PCDHA1: variants seen among roughly 807,000 people sequenced by gnomAD.
PCDHA1 encodes the protein protocadherin alpha 1.
Under a neutral mutation model 61.3 loss-of-function variants are expected in PCDHA1, and 42 were observed. The observed-to-expected ratio is 0.69, with a 90% CI of 0.54 to 0.89. The LOEUF (loss-of-function observed/expected upper bound fraction) is 0.89, where lower values mean the gene tolerates loss of function less well. PCDHA1 is among the 40% of genes least tolerant of loss of function. The pLI is 0.00. For missense variants in PCDHA1, 1,256 were observed against 1,235.3 expected, an observed-to-expected ratio of 1.02 and a Z score of -0.25; for synonymous variants, 610 against 553.8, an observed-to-expected ratio of 1.10 and a Z score of -1.43.
intron 1 of PCDHA1, chr5:140,796,680 C>G: frequency 6.2e-7 from 1 of 1,613,860 alleles, no homozygotes; most frequent in Non-Finnish European, 8.5e-7. Flanking sequence ...GGGCTGGCAC[C>G]GCTGCTGGCG....
intron 1 of PCDHA1, chr5:140,803,681 T>A: frequency 6.3e-7 from 1 of 1,580,086 alleles, no homozygotes; most frequent in Non-Finnish European, 8.6e-7. Flanking sequence ...AATAGTTAAG[T>A]ATGAATTATG....
chr5:140,877,193 G>T, intron 1 of PCDHA1: 1 of 1,613,832 alleles, frequency 6.2e-7, no homozygotes, highest in Non-Finnish European at 8.5e-7. Flanking sequence ...GGCAGCGCAG[G>T]AGGCGCAGTT....
chr5:140,812,885 GA>G (rs1466050277), intron 1 of PCDHA1: 1 of 152,092 alleles, frequency 6.6e-6, no homozygotes, highest in African/African-American at 2.4e-5. Context: ...TCATTCAAAT[GA>G]AATTTTGAAC....
At position 140,796,179 on chromosome 5, in the gene PCDHA1, C is replaced by T. The variant is rs17844249; in HGVS notation, c.2394+7495C>T. ...TGGTGTCCACCTTCAAGAATTACTA[C>T]TCGTTGGTGCTGGACAGCGCCCTGG... On this transcript the variant is annotated intron_variant, in intron 1 of 3. Transcript: ENST00000504120. The T allele has an allele frequency of 1.9e-6, 3 of 1,614,236 alleles. No individual in the cohort carries two copies. The East Asian group carries it at 6.7e-5, about 36-fold the overall frequency.
At chr5:140,851,475 T>C (rs1554145417) in intron 1 of PCDHA1, 2 of 890,456 alleles carry the variant, frequency 2.2e-6, no homozygotes, top group African/African-American at 3.6e-5. Flanking sequence ...CAATAAATGT[T>C]ATAAACACAG....
intron 3 of PCDHA1, among the ~76,000 whole-genome samples, chr5:140,993,009 G>C (rs1228975075): frequency 3.9e-5 from 6 of 152,172 alleles, no homozygotes; most frequent in Non-Finnish European, 8.8e-5. Flanking sequence ...CCTCCCCAGA[G>C]TCCAGCATCC....
intron 1 of PCDHA1, among the ~76,000 whole-genome samples, chr5:140,916,237 A>G (rs1004473327): frequency 6.6e-6 from 1 of 152,182 alleles, no homozygotes; most frequent in African/African-American, 2.4e-5. Context: ...CCAGGAGCCA[A>G]AGCCTGGACT....
At chr5:140,871,121 A>G (rs1554165161) in intron 1 of PCDHA1, 4 of 1,613,320 alleles carry the variant, frequency 2.5e-6, no homozygotes, top group Non-Finnish European at 3.4e-6. Context: ...GAGAGCGGAC[A>G]GGCGCCAAAG....
rs1222151692 is a variant in PCDHA1 at position 140,794,895 on chromosome 5, CAG to C, written c.2394+6215_2394+6216del. Reference sequence around the variant, plus strand: ...AATAAGAGAAGCAGCAGGACTTTAACAGAGACTAGAATATTTAAATTTTTGCA... The same window carrying C: ...AATAAGAGAAGCAGCAGGACTTTAACAGACTAGAATATTTAAATTTTTGCA... On this transcript the variant is annotated intron_variant, in intron 1 of 3. Coordinates refer to ENST00000504120, the MANE Select transcript of PCDHA1 (RefSeq NM_018900.4). 2.6e-5 allele frequency: 38 copies of C among 1,474,750 alleles called. No individual in the cohort carries two copies. The African/African-American group carries it at 5.1e-4, about 20-fold the overall frequency. The allele number at this position is 1,474,750 out of a possible 1,614,324, so 91.4% of individuals were successfully genotyped here. A position where few individuals can be genotyped will look rare whatever the true frequency, so the allele number is the denominator to read the frequency against.
chr5:140,982,362 A>ATTCTGCTC, intron 2 of PCDHA1, 113 bp from the exon 3 acceptor site: 1 of 1,531,968 alleles, frequency 6.5e-7, no homozygotes, highest in Non-Finnish European at 8.8e-7. Context: ...GCATGAGCAG[A>ATTCTGCTC]ATGTGTTAGC....
chr5:140,805,807 G>C (rs1763634308), intron 1 of PCDHA1, among the ~76,000 whole-genome samples: 1 of 152,022 alleles, frequency 6.6e-6, no homozygotes, highest in Non-Finnish European at 1.5e-5. Flanking sequence ...GAAAATCATA[G>C]AGGCTATTGA....
At chr5:140,900,422 C>G (rs1422913254) in intron 1 of PCDHA1, among the ~76,000 whole-genome samples, 1 of 152,142 alleles carries the variant, frequency 6.6e-6, no homozygotes, top group East Asian at 1.9e-4. Context: ...GGATTATAGG[C>G]ACGTGCCACC....
chr5:140,850,035 A>G, intron 1 of PCDHA1: 1 of 1,596,458 alleles, frequency 6.3e-7, no homozygotes, highest in Non-Finnish European at 8.6e-7. Flanking sequence ...GCACGCGGAG[A>G]GCGGCAAGGT....
intron 1 of PCDHA1, chr5:140,835,485 G>A (rs371322976): frequency 6.2e-7 from 1 of 1,613,896 alleles, no homozygotes; most frequent in Non-Finnish European, 8.5e-7. Flanking sequence ...ACCAGGTACC[G>A]TCATCACATT....
chr5:140,943,276 AAG>A (rs1491082610), intron 1 of PCDHA1, among the ~76,000 whole-genome samples: 3,151 of 135,552 alleles, frequency 0.023, 213 homozygotes, highest in African/African-American at 0.087. Flanking sequence ...AAAAAAAAAA[AAG>A]AAAGAAAGAA....
At chr5:140,990,988 C>A (rs1332573282) in intron 3 of PCDHA1, among the ~76,000 whole-genome samples, 5 of 152,184 alleles carry the variant, frequency 3.3e-5, no homozygotes, top group Admixed American at 6.5e-5. Flanking sequence ...AAGACAATAG[C>A]TACCATTTAT....
At chr5:140,838,813 T>A (rs1372139803) in intron 1 of PCDHA1, among the ~76,000 whole-genome samples, 1 of 151,884 alleles carries the variant, frequency 6.6e-6, no homozygotes, top group Non-Finnish European at 1.5e-5. Flanking sequence ...TTTCAGCTAC[T>A]CAAGAAACTG....
chr5:140,899,541 T>C (rs1469690137), intron 1 of PCDHA1, among the ~76,000 whole-genome samples: 2 of 152,210 alleles, frequency 1.3e-5, no homozygotes, highest in South Asian at 2.1e-4. Context: ...CACTTGATCA[T>C]GGTGGATAAG....
chr5:141,008,679 T>C (rs950831628), intron 3 of PCDHA1, among the ~76,000 whole-genome samples: 4 of 152,238 alleles, frequency 2.6e-5, no homozygotes, highest in South Asian at 4.1e-4. Context: ...TATACTTTAG[T>C]TATTGCATGT....
Sources: gnomAD v4.1 joint callset for allele counts (sites outside exome capture counted in the v4.1 genomes callset) on GRCh38, gnomAD v4.1.1 for gene constraint, MANE v1.5 for transcripts, NCBI Gene and HGNC (gene_info 2026-07-23, HGNC 2026-07-21) for gene names.